GMPR: variants seen among roughly 807,000 people sequenced by gnomAD.
The protein encoded by GMPR is guanosine monophosphate reductase, also known as GMP reductase 1.
GMPR carries 31 observed loss-of-function variants against 38.4 expected under a neutral mutation model. That is an observed-to-expected ratio of 0.81 (90% CI 0.61 to 1.09). The LOEUF is 1.09. Among genes scored for constraint, GMPR ranks in the 50% least tolerant of loss-of-function variants. GMPR has a pLI of 0.00. For synonymous variants in GMPR, 162 were observed against 173.3 expected (o/e 0.93, Z 0.51); for missense variants, 468 against 453.7 (o/e 1.03, Z -0.29).
intron 5 of GMPR, among the ~76,000 whole-genome samples, chr6:16,278,514 G>A (rs1204963102): frequency 1.3e-5 from 2 of 152,160 alleles, no homozygotes; most frequent in African/African-American, 2.4e-5. Flanking sequence ...GGGAGGAGTG[G>A]CAGTGACAGG....
intron 4 of GMPR, 66 bp from the exon 5 acceptor site, chr6:16,274,349 G>A: frequency 1.0e-6 from 1 of 994,716 alleles, no homozygotes; most frequent in South Asian, 1.3e-5. Flanking sequence ...GTTCAGGTGT[G>A]GGGTTCCTCA....
chr6:16,267,592 C>A (rs1331153378), intron 4 of GMPR, among the ~76,000 whole-genome samples: 1 of 152,084 alleles, frequency 6.6e-6, no homozygotes, highest in African/African-American at 2.4e-5. Flanking sequence ...TCTGACGGAA[C>A]AAACTCCGGA....
intron 5 of GMPR, among the ~76,000 whole-genome samples, chr6:16,275,781 G>A (rs1292811595): frequency 6.6e-6 from 1 of 152,224 alleles, no homozygotes; most frequent in Non-Finnish European, 1.5e-5. Context: ...ATATGGGCCT[G>A]ATGTGGTGGC....
intron 3 of GMPR, among the ~76,000 whole-genome samples, chr6:16,251,641 C>G (rs951763066): frequency 2.6e-5 from 4 of 152,114 alleles, no homozygotes; most frequent in African/African-American, 4.8e-5. Flanking sequence ...CCAGAATAGG[C>G]AAATCTAAGT....
intron 3 of GMPR, among the ~76,000 whole-genome samples, chr6:16,250,829 C>T (rs2113672277): frequency 6.6e-6 from 1 of 151,560 alleles, no homozygotes; most frequent in East Asian, 2.0e-4. Flanking sequence ...ATTGCTTGAA[C>T]CCAGGAGTTC....
intron 8 of GMPR, among the ~76,000 whole-genome samples, chr6:16,291,526 T>G (rs1482012674): frequency 6.6e-6 from 1 of 152,134 alleles, no homozygotes; most frequent in Admixed American, 6.5e-5. Flanking sequence ...ACCTGGCTCC[T>G]GATGCATGTT....
chr6:16,272,904 T>A (rs1183100190), intron 4 of GMPR, among the ~76,000 whole-genome samples: 3 of 152,292 alleles, frequency 2.0e-5, no homozygotes, highest in East Asian at 3.9e-4. Flanking sequence ...GCTCGAGCAA[T>A]CCACTTACCT....
chr6:16,245,063 C>G (rs992251139), intron 1 of GMPR, among the ~76,000 whole-genome samples: 1 of 152,160 alleles, frequency 6.6e-6, no homozygotes, highest in Non-Finnish European at 1.5e-5. Flanking sequence ...TTGATTGTTT[C>G]AAGCCTGCCA....
intron 4 of GMPR, among the ~76,000 whole-genome samples, chr6:16,273,705 T>C (rs896588398): frequency 2.6e-5 from 4 of 152,196 alleles, no homozygotes; most frequent in African/African-American, 9.6e-5. Context: ...ATAAAGATTC[T>C]TCAGGGGCTT....
intron 3 of GMPR, among the ~76,000 whole-genome samples, chr6:16,252,353 G>A (rs1046481607): frequency 2.0e-5 from 3 of 152,000 alleles, no homozygotes; most frequent in Non-Finnish European, 4.4e-5. Flanking sequence ...TCCACCTCCC[G>A]GGTTCAATTG....
chr6:16,294,441 C>G (rs1363839247), intron 8 of GMPR, among the ~76,000 whole-genome samples: 1 of 152,198 alleles, frequency 6.6e-6, no homozygotes, highest in Non-Finnish European at 1.5e-5. Flanking sequence ...ATTTTATGTC[C>G]TCCTCGTCCT....
At chr6:16,259,602 A>G (rs1331085990) in intron 4 of GMPR, among the ~76,000 whole-genome samples, 1 of 151,854 alleles carries the variant, frequency 6.6e-6, no homozygotes, top group Non-Finnish European at 1.5e-5. Context: ...AGCCGAAGGA[A>G]GATTTTGTGG....
intron 4 of GMPR, among the ~76,000 whole-genome samples, chr6:16,266,724 T>C (rs1006307572): frequency 6.6e-6 from 1 of 150,796 alleles, no homozygotes; most frequent in Admixed American, 6.6e-5. Flanking sequence ...GGCAGGAGAA[T>C]TGCATGAACC....
intron 4 of GMPR, among the ~76,000 whole-genome samples, chr6:16,265,540 T>G (rs1759178192): frequency 6.6e-6 from 1 of 152,154 alleles, no homozygotes. Context: ...GGATTGTAAA[T>G]GCATCAGTCA....
chr6:16,274,529 G>T (rs368811344), intron 5 of GMPR, 33 bp downstream of exon 5: 103 of 1,249,340 alleles, frequency 8.2e-5, no homozygotes, highest in Non-Finnish European at 1.1e-4. Flanking sequence ...CAGAGGACGT[G>T]TGTGGGGAAG....
chr6:16,290,965 G>C (rs544017603), intron 8 of GMPR, among the ~76,000 whole-genome samples: 1 of 152,328 alleles, frequency 6.6e-6, no homozygotes, highest in African/African-American at 2.4e-5. Context: ...TGTAAGCTTA[G>C]ATCTCTGGCT....
chr6:16,266,136 TCTTTAAGAGCTGTAACACTTGC>T, intron 4 of GMPR, among the ~76,000 whole-genome samples: 1 of 42,626 alleles, frequency 2.3e-5, no homozygotes, highest in South Asian at 1.2e-3. Context: ...ACACTTGCCA[TCTTTAAGAGCTGTAACACTTGC>T]CATCTTTAAG....
chr6:16,281,545 G>A (rs1368188490), intron 6 of GMPR, among the ~76,000 whole-genome samples: 3 of 151,652 alleles, frequency 2.0e-5, no homozygotes, highest in East Asian at 1.9e-4. Context: ...TTGCTGTATC[G>A]CCCAGGCTGG....
In GMPR at chr6:16,264,794, T is replaced by C. The variant is rs551234255; in HGVS notation, c.466-9621T>C. On this transcript the variant is annotated intron_variant, in intron 4 of 8. Coordinates refer to ENST00000259727, the MANE Select transcript of GMPR (RefSeq NM_006877.4). ...GAACAGGCCATTTTCACTTCTTTTG[T>C]GGTGGAATGTCATCAGTTAAGGCAG... 1.5e-3 allele frequency among the ~76,000 whole-genome samples: 232 copies of C among 152,222 alleles called. 8 individuals carry two copies. The South Asian group carries it at 0.047, about 31-fold the overall frequency.
Sources: allele counts gnomAD v4.1 joint callset (sites outside exome capture counted in the v4.1 genomes callset), GRCh38; gene constraint gnomAD v4.1.1; transcripts MANE v1.5; gene names NCBI Gene and HGNC (gene_info 2026-07-23, HGNC 2026-07-21).